DDX10: variants seen among roughly 807,000 people sequenced by gnomAD.
DDX10 encodes DEAD-box helicase 10, also known as probable ATP-dependent RNA helicase DDX10.
DDX10 carries 74 observed loss-of-function variants against 104.3 expected under a neutral mutation model. That is an observed-to-expected ratio of 0.71 (90% CI 0.59 to 0.86). The LOEUF is 0.86. DDX10 is among the 40% of genes least tolerant of loss of function. The pLI is 0.00. For missense variants in DDX10, 952 were observed against 1,040.0 expected, an observed-to-expected ratio of 0.92 and a Z score of 1.16; for synonymous variants, 351 against 353.4, an observed-to-expected ratio of 0.99 and a Z score of 0.08.
chr11:108,700,555 T>C, intron 9 of DDX10, among the ~76,000 whole-genome samples: 1 of 152,206 alleles, frequency 6.6e-6, no homozygotes, highest in Middle Eastern at 3.2e-3. Flanking sequence ...TGTCTTCAAA[T>C]TTGTTGACAT....
chr11:108,791,906 C>A (rs1214534078), intron 13 of DDX10, among the ~76,000 whole-genome samples: 1 of 152,132 alleles, frequency 6.6e-6, no homozygotes, highest in East Asian at 1.9e-4. Context: ...ACTTTGCCAG[C>A]AGTGTATGAT....
chr11:108,683,007 AG>A (rs2094237744), intron 6 of DDX10, among the ~76,000 whole-genome samples: 2 of 152,198 alleles, frequency 1.3e-5, no homozygotes, highest in Middle Eastern at 3.4e-3. Context: ...AAATGCCTTA[AG>A]GTCAGGTTGT....
intron 13 of DDX10, chr11:108,767,969 C>T (rs1046780289): frequency 6.6e-6 from 1 of 152,224 alleles, no homozygotes; most frequent in African/African-American, 2.4e-5. Flanking sequence ...AGGATGAAGA[C>T]CTTTATAATG....
chr11:108,685,486 C>T (rs1043708955), intron 6 of DDX10, among the ~76,000 whole-genome samples: 33 of 152,076 alleles, frequency 2.2e-4, no homozygotes, highest in South Asian at 6.2e-4. Flanking sequence ...AGAAATCACC[C>T]GTCTTCTGCG....
chr11:108,792,606 A>G (rs1018337162), intron 13 of DDX10, among the ~76,000 whole-genome samples: 1 of 152,132 alleles, frequency 6.6e-6, no homozygotes, highest in Non-Finnish European at 1.5e-5. Context: ...TGTATATCCT[A>G]TTCCTTTGAT....
chr11:108,691,943 G>A lies in DDX10; in HGVS notation c.1043G>A (p.Arg348Gln), dbSNP rs777793234. The change falls in exon 8 of 18, where the codon CGA becomes CAA. Residue 348 changes from arginine (R) to glutamine (Q), a missense_variant. Physicochemically the swap from Arg to Gln is conservative, Grantham distance 43. Around this residue, in one of 3 missense-constraint regions of DDX10, gnomAD observed 412 missense variants for 479.2 expected, o/e 0.86. Coordinates refer to ENST00000322536, the MANE Select transcript of DDX10 (RefSeq NM_004398.4). Reference protein sequence around the residue: ...PGVSILALHGRQQQMRRMEVY... With the variant: ...PGVSILALHGQQQQMRRMEVY... ...GTTTCTATCCTTGCACTCCATGGTC[G>A]ACAGCAGCAAATGAGAAGAATGGAA... 21 of 1,613,870 alleles carry A rather than the reference G, an allele frequency of 1.3e-5. No homozygotes were observed. The highest frequency in any genetic ancestry group is 1.6e-4 in the Middle Eastern group (1 of 6,084).
At chr11:108,691,757 G>T in intron 7 of DDX10, 119 bp from the exon 8 acceptor site, 2 of 708,640 alleles carry the variant, frequency 2.8e-6, no homozygotes, top group Non-Finnish European at 4.3e-6. Context: ...TTTTTTACTT[G>T]GTTGGAATTG....
intron 1 of DDX10, among the ~76,000 whole-genome samples, chr11:108,668,842 T>G (rs927546800): frequency 1.3e-5 from 2 of 152,148 alleles, no homozygotes; most frequent in African/African-American, 2.4e-5. Context: ...TGTACCTCAG[T>G]GCTGTGGAGT....
chr11:108,773,120 A>G (rs2094365419), intron 13 of DDX10, among the ~76,000 whole-genome samples: 1 of 152,180 alleles, frequency 6.6e-6, no homozygotes, highest in African/African-American at 2.4e-5. Context: ...TCAGATATAA[A>G]ATGTAGCAGA....
intron 3 of DDX10, among the ~76,000 whole-genome samples, 183 bp from the exon 4 acceptor site, chr11:108,676,902 T>A (rs2094226074): frequency 6.6e-6 from 1 of 152,026 alleles, no homozygotes; most frequent in African/African-American, 2.4e-5. Flanking sequence ...CCCTTTCCTC[T>A]GAGTTGGGGG....
chr11:108,673,603 T>G (rs2094219978), intron 2 of DDX10, 76 bp downstream of exon 2: 1 of 1,114,400 alleles, frequency 9.0e-7, no homozygotes, highest in Admixed American at 2.4e-5. Context: ...ATTTAGAGGG[T>G]TTAGCCTGAA....
intron 16 of DDX10, among the ~76,000 whole-genome samples, chr11:108,869,309 G>GATA (rs1765554839): frequency 1.3e-5 from 2 of 151,754 alleles, no homozygotes; most frequent in African/African-American, 4.8e-5. Context: ...GCTTATGCTC[G>GATA]TTTTCATCAC....
At chr11:108,874,367 C>T (rs1281040524) in intron 16 of DDX10, among the ~76,000 whole-genome samples, 7 of 152,220 alleles carry the variant, frequency 4.6e-5, no homozygotes, top group Non-Finnish European at 8.8e-5. Flanking sequence ...GGATTTCTCC[C>T]CTTAGTGGAA....
intron 16 of DDX10, among the ~76,000 whole-genome samples, chr11:108,876,280 TTA>T (rs921447144): frequency 1.3e-5 from 2 of 152,160 alleles, no homozygotes; most frequent in African/African-American, 4.8e-5. Flanking sequence ...TCTTACCATG[TTA>T]TATATGACAT....
chr11:108,696,164 G>A (rs371827733), intron 9 of DDX10, among the ~76,000 whole-genome samples: 4 of 151,466 alleles, frequency 2.6e-5, no homozygotes, highest in African/African-American at 9.7e-5. Context: ...TTGAGTACAT[G>A]GTTTTTGTTT....
intron 16 of DDX10, among the ~76,000 whole-genome samples, chr11:108,877,930 A>G (rs1242918280): frequency 6.6e-6 from 1 of 152,210 alleles, no homozygotes; most frequent in Non-Finnish European, 1.5e-5. Flanking sequence ...GCACAGCTGG[A>G]TGGGGCTAGC....
intron 13 of DDX10, among the ~76,000 whole-genome samples, chr11:108,754,000 T>C (rs2094341574): frequency 6.6e-6 from 1 of 151,996 alleles, no homozygotes; most frequent in Non-Finnish European, 1.5e-5. Context: ...GAATCCAAGA[T>C]ATTAATTTCC....
intron 14 of DDX10, among the ~76,000 whole-genome samples, chr11:108,838,839 C>T (rs1845833007): frequency 6.6e-6 from 1 of 152,188 alleles, no homozygotes; most frequent in South Asian, 2.1e-4. Context: ...GTTTTCTCTT[C>T]ATGGTATTGA....
chr11:108,856,476 C>CA (rs1290151899), intron 16 of DDX10, among the ~76,000 whole-genome samples: 1 of 151,106 alleles, frequency 6.6e-6, no homozygotes, highest in Non-Finnish European at 1.5e-5. Context: ...AAACAAAAAA[C>CA]AAAAAACAAA....
Sources: allele counts gnomAD v4.1 joint callset (sites outside exome capture counted in the v4.1 genomes callset), GRCh38; gene constraint gnomAD v4.1.1; regional missense constraint gnomAD v4.1.1; transcripts MANE v1.5; gene names NCBI Gene and HGNC (gene_info 2026-07-23, HGNC 2026-07-21).